The following ENAH variants were observed in gnomAD, a reference collection of about 807,000 sequenced individuals.
ENAH encodes protein enabled homolog.
A neutral mutation model predicts 78.7 loss-of-function variants in ENAH; 23 were observed. That is an observed-to-expected ratio of 0.29 (90% confidence interval 0.21 to 0.41). The LOEUF (loss-of-function observed/expected upper bound fraction) is 0.41, where lower values mean the gene tolerates loss of function less well. ENAH is among the 10% of genes least tolerant of loss of function. The probability of loss-of-function intolerance (pLI) is 1.00; values close to 1 mark genes in which losing one functional copy is unlikely to be tolerated. For missense variants in ENAH, 544 were observed against 691.0 expected (o/e 0.79, Z 2.39); for synonymous variants, 226 against 241.0 (o/e 0.94, Z 0.58).
At chr1:225,623,105 CAGAT>C (rs1205969510) in intron 1 of ENAH, among the ~76,000 whole-genome samples, 1 of 152,036 alleles carries the variant, frequency 6.6e-6, no homozygotes, top group Non-Finnish European at 1.5e-5. Flanking sequence ...AAAAGAAAGG[CAGAT>C]AGAATTTTTC....
chr1:225,620,251 C>G (rs544536070), intron 1 of ENAH, among the ~76,000 whole-genome samples: 1 of 151,960 alleles, frequency 6.6e-6, no homozygotes, highest in East Asian at 1.9e-4. Context: ...TACCAGGCCT[C>G]GCGCGGTGGT....
chr1:225,571,232 G>A (rs2096760570), intron 1 of ENAH, among the ~76,000 whole-genome samples: 1 of 151,834 alleles, frequency 6.6e-6, no homozygotes, highest in Non-Finnish European at 1.5e-5. Flanking sequence ...AATTAGCCAG[G>A]CATGGTGACG....
chr1:225,652,627 G>C (rs1663249344), intron 1 of ENAH, 59 bp downstream of exon 1: 4 of 1,259,534 alleles, frequency 3.2e-6, no homozygotes, highest in Middle Eastern at 3.1e-4. Context: ...GAGGAGAACG[G>C]GGGTCGCGGC....
rs915641276 is a variant in ENAH, at chr1:225,490,152, C to A, written c.*7623G>T. ...GTCCAATGACCTGCCCACAACTCCA[C>A]ACACAAAAAAGGACAGACTGAGAGA... On this transcript the variant is annotated 3_prime_UTR_variant, in exon 14 of 14. Coordinates refer to ENST00000366843, the MANE Select transcript of ENAH (RefSeq NM_018212.6). 3 of 152,130 alleles carry A rather than the reference C, an allele frequency of 2.0e-5. No homozygotes were observed. The highest frequency in any genetic ancestry group is 7.2e-5 in the African/African-American group (3 of 41,394). The allele number at this position is 152,130 out of a possible 1,614,324, so 9.4% of individuals were successfully genotyped here. A position where few individuals can be genotyped will look rare whatever the true frequency, so the allele number is the denominator to read the frequency against.
intron 1 of ENAH, among the ~76,000 whole-genome samples, chr1:225,601,387 G>A (rs552974546): frequency 7.2e-5 from 11 of 152,058 alleles, no homozygotes; most frequent in Non-Finnish European, 1.2e-4. Flanking sequence ...GTGTGGTGGC[G>A]GACGCATGTA....
intron 1 of ENAH, among the ~76,000 whole-genome samples, chr1:225,591,484 C>A (rs1327116697): frequency 5.8e-5 from 7 of 121,506 alleles, no homozygotes; most frequent in African/African-American, 2.2e-4. Context: ...AAAAAAAAAA[C>A]AGTCGGGTGT....
At chr1:225,506,430 T>C (rs1218884499) in intron 11 of ENAH, among the ~76,000 whole-genome samples, 5 of 152,100 alleles carry the variant, frequency 3.3e-5, no homozygotes, top group Admixed American at 3.3e-4. Flanking sequence ...TCAAGTGATC[T>C]ACCCACCTTA....
chr1:225,531,503 T>C (rs2096537221), intron 3 of ENAH, among the ~76,000 whole-genome samples: 1 of 152,076 alleles, frequency 6.6e-6, no homozygotes, highest in Non-Finnish European at 1.5e-5. Context: ...AGGGTTAAAA[T>C]AGAACAATCT....
chr1:225,603,687 A>C (rs1174426028), intron 1 of ENAH, among the ~76,000 whole-genome samples: 1 of 152,200 alleles, frequency 6.6e-6, no homozygotes, highest in Non-Finnish European at 1.5e-5. Flanking sequence ...ATTTTCAAAG[A>C]CAACACTTTG....
chr1:225,630,961 T>C (rs1301354089), intron 1 of ENAH, among the ~76,000 whole-genome samples: 1 of 152,176 alleles, frequency 6.6e-6, no homozygotes, highest in Non-Finnish European at 1.5e-5. Context: ...CTTTGAACAC[T>C]AGCATTTTAT....
chr1:225,575,909 G>A (rs1048312316), intron 1 of ENAH, among the ~76,000 whole-genome samples: 5 of 152,086 alleles, frequency 3.3e-5, no homozygotes, highest in African/African-American at 1.2e-4. Flanking sequence ...CCTGAAATAC[G>A]ACAGTGAAAG....
chr1:225,505,480 C>T (rs2151072584), intron 11 of ENAH, among the ~76,000 whole-genome samples: 1 of 152,300 alleles, frequency 6.6e-6, no homozygotes, highest in Non-Finnish European at 1.5e-5. Flanking sequence ...CTTGCTTTTA[C>T]TCTGACATAT....
chr1:225,517,908 T>A (rs568726074), intron 5 of ENAH: 1 of 1,550,870 alleles, frequency 6.4e-7, no homozygotes, highest in African/African-American at 1.4e-5. Flanking sequence ...CTTTAGCGTA[T>A]GATGGAGGAG....
chr1:225,596,849 T>G (rs2096904140), intron 1 of ENAH, among the ~76,000 whole-genome samples: 1 of 152,216 alleles, frequency 6.6e-6, no homozygotes. Flanking sequence ...GTCTACTACT[T>G]ACACACAGCT....
chr1:225,549,742 T>C (rs1212445738), intron 3 of ENAH, among the ~76,000 whole-genome samples: 1 of 152,212 alleles, frequency 6.6e-6, no homozygotes, highest in East Asian at 1.9e-4. Context: ...TTAATTTCTA[T>C]GTGAGGACAA....
At chr1:225,594,731 A>C (rs931832730) in intron 1 of ENAH, among the ~76,000 whole-genome samples, 1 of 152,222 alleles carries the variant, frequency 6.6e-6, no homozygotes, top group Non-Finnish European at 1.5e-5. Flanking sequence ...CCACTATTTT[A>C]ATCTTTTTAA....
At chr1:225,573,318 C>T (rs921846797) in intron 1 of ENAH, among the ~76,000 whole-genome samples, 2 of 152,148 alleles carry the variant, frequency 1.3e-5, no homozygotes, top group Non-Finnish European at 2.9e-5. Flanking sequence ...CAAAATCCTA[C>T]TCATCAAGAC....
At chr1:225,581,655 A>C (rs1337123343) in intron 1 of ENAH, among the ~76,000 whole-genome samples, 1 of 151,952 alleles carries the variant, frequency 6.6e-6, no homozygotes, top group Non-Finnish European at 1.5e-5. Context: ...TTTCCAAATG[A>C]CCCTCCCATA....
In ENAH at chr1:225,556,967, C is replaced by G. The variant is rs950803021; in HGVS notation, c.172-1884G>C. Among the ~76,000 whole-genome samples, 5 of 152,184 alleles carry G rather than the reference C, an allele frequency of 3.3e-5. No individual in the cohort carries two copies. The East Asian group carries it at 7.7e-4, about 23-fold the overall frequency. ...TGCCTGCAGCACATAAATCAAGTGT[C>G]TATAAGGCTCTATTTTCACCTACAG... is the stretch of plus-strand genomic sequence containing the variant. On this transcript the variant is annotated intron_variant, in intron 2 of 13. Transcript: ENST00000366843.
Sources: gnomAD v4.1 joint callset for allele counts (sites outside exome capture counted in the v4.1 genomes callset) on GRCh38, gnomAD v4.1.1 for gene constraint, MANE v1.5 for transcripts, NCBI Gene and HGNC (gene_info 2026-07-23, HGNC 2026-07-21) for gene names.